The following DYM variants were observed in gnomAD, a reference collection of about 807,000 sequenced individuals.
The protein encoded by DYM is dyggve-Melchior-Clausen syndrome protein.
In DYM, 78 loss-of-function variants were observed where a neutral mutation model predicts 93.1. The observed-to-expected ratio is 0.84, with a 90% CI of 0.70 to 1.01. The LOEUF is 1.01. Among genes scored for constraint, DYM ranks in the 50% least tolerant of loss-of-function variants. DYM has a pLI of 0.00. For synonymous variants in DYM, 321 were observed against 319.7 expected, an observed-to-expected ratio of 1.00 and a Z score of -0.04; for missense variants, 789 against 845.0, an observed-to-expected ratio of 0.93 and a Z score of 0.82.
At chr18:49,324,138 C>CAAAAAAAAAAAA (rs59640889) in intron 8 of DYM, among the ~76,000 whole-genome samples, 14 of 54,442 alleles carry the variant, frequency 2.6e-4, no homozygotes, top group East Asian at 4.1e-4. Flanking sequence ...GGCTCTGTCT[C>CAAAAAAAAAAAA]AAAAAAAAAA....
chr18:49,216,142 C>G (rs953757368), intron 13 of DYM, among the ~76,000 whole-genome samples: 1 of 152,250 alleles, frequency 6.6e-6, no homozygotes, highest in Admixed American at 6.5e-5. Flanking sequence ...CGGAGTCTCA[C>G]TGACTGCTAG....
intron 13 of DYM, among the ~76,000 whole-genome samples, chr18:49,235,818 G>A (rs527755226): frequency 6.7e-6 from 1 of 148,316 alleles, no homozygotes; most frequent in South Asian, 2.1e-4. Context: ...AAAATCTTTC[G>A]ATCATCACAC....
chr18:49,185,723 C>G (rs1600436703), intron 14 of DYM, among the ~76,000 whole-genome samples: 1 of 152,310 alleles, frequency 6.6e-6, no homozygotes, highest in Middle Eastern at 3.4e-3. Flanking sequence ...TGCGTGTACA[C>G]ATGGCCTCGT....
chr18:49,260,449 C>T (rs2094471995), intron 11 of DYM, among the ~76,000 whole-genome samples: 1 of 152,116 alleles, frequency 6.6e-6, no homozygotes, highest in African/African-American at 2.4e-5. Context: ...GAGAAAAGTG[C>T]AGACGTCATA....
chr18:49,363,750 A>C (rs1273115393), intron 5 of DYM, among the ~76,000 whole-genome samples: 3 of 152,090 alleles, frequency 2.0e-5, no homozygotes, highest in Non-Finnish European at 4.4e-5. Flanking sequence ...AAAGAGGCCA[A>C]CCTCCTCTTT....
chr18:49,405,449 A>T (rs1476422621), intron 2 of DYM, among the ~76,000 whole-genome samples: 1 of 152,192 alleles, frequency 6.6e-6, no homozygotes, highest in Non-Finnish European at 1.5e-5. Context: ...GTCCAGTTTC[A>T]TTATTCTGCA....
intron 11 of DYM, among the ~76,000 whole-genome samples, chr18:49,267,829 C>T (rs1356483361): frequency 6.6e-6 from 1 of 152,084 alleles, no homozygotes; most frequent in Non-Finnish European, 1.5e-5. Context: ...ACCCACGAGG[C>T]GGAGGTTGCA....
At position 49,393,087 on chromosome 18, in the gene DYM, GGGAGGGAAGGAAGGAA is replaced by G. The variant is rs1254590532; in HGVS notation, c.141-1458_141-1443del. Among the ~76,000 whole-genome samples the G allele has an allele frequency of 2.4e-3, 205 of 84,940 alleles. 15 individuals carry two copies. The highest frequency in any genetic ancestry group is 0.01 in the Middle Eastern group (2 of 196). The allele number at this position is 84,940 out of a possible 152,430, so 55.7% of individuals were successfully genotyped here. ...AGGAGGAGGAGGAGGAAAGAAGGGAGGGAGGGAAGGAAGGAAGGAAGGAAGGAAGGAAGGAAGGAAG... is the reference window on the plus strand; with the variant it reads ...AGGAGGAGGAGGAGGAAAGAAGGGAGGGAAGGAAGGAAGGAAGGAAGGAAG... On this transcript the variant is annotated intron_variant, in intron 2 of 17. Transcript: ENST00000675505.
chr18:49,393,081 AAGGG>A lies in DYM; in HGVS notation c.141-1440_141-1437del, dbSNP rs1318439831. Among the ~76,000 whole-genome samples the A allele has an allele frequency of 1.6e-4, 13 of 81,388 alleles. 1 individual carries two copies. The highest frequency in any genetic ancestry group is 1.0e-3 in the East Asian group (1 of 978). The allele number at this position is 81,388 out of a possible 152,430, so 53.4% of individuals were successfully genotyped here. A position where few individuals can be genotyped will look rare whatever the true frequency, so the allele number is the denominator to read the frequency against. Reference sequence around the variant, plus strand: ...GAGGGGAGGAGGAGGAGGAGGAAAGAAGGGAGGGAGGGAAGGAAGGAAGGAAGGA... The same window carrying A: ...GAGGGGAGGAGGAGGAGGAGGAAAGAAGGGAGGGAAGGAAGGAAGGAAGGA... On this transcript the variant is annotated intron_variant, in intron 2 of 17. Transcript: ENST00000675505.
rs2067760121 is a variant in DYM, at chr18:49,378,790, C to T, written c.288-90G>A. Reference sequence around the variant, plus strand: ...TCATGATTTCTTCCTGATTTGACAACCGTTTTGTCCATCCTATTGGTAATA... The same window carrying T: ...TCATGATTTCTTCCTGATTTGACAATCGTTTTGTCCATCCTATTGGTAATA... On this transcript the variant is annotated intron_variant, in intron 4 of 17. Transcript: ENST00000675505. 8 of 1,362,044 alleles carry T rather than the reference C, an allele frequency of 5.9e-6. No individual in the cohort carries two copies. The South Asian group carries it at 8.5e-5, about 14-fold the overall frequency. 84.4% of individuals were successfully genotyped at this position (1,362,044 alleles called of 1,614,324 possible).
chr18:49,318,630 A>AAG (rs905503173), intron 8 of DYM, among the ~76,000 whole-genome samples: 29 of 150,904 alleles, frequency 1.9e-4, no homozygotes, highest in Admixed American at 5.9e-4. Context: ...CCCCACAAAA[A>AAG]AGAGAGAGAG....
chr18:49,065,179 T>C (rs905942168), intron 17 of DYM, among the ~76,000 whole-genome samples: 3 of 152,130 alleles, frequency 2.0e-5, no homozygotes, highest in African/African-American at 7.2e-5. Flanking sequence ...GCACTGCACG[T>C]CACTAAAATA....
At chr18:49,171,448 T>C (rs947955703) in intron 14 of DYM, among the ~76,000 whole-genome samples, 12 of 152,176 alleles carry the variant, frequency 7.9e-5, no homozygotes, top group African/African-American at 2.9e-4. Flanking sequence ...TGGGAGCAGA[T>C]GATTTACAGA....
chr18:49,223,286 T>C (rs907604655), intron 13 of DYM, among the ~76,000 whole-genome samples: 8 of 152,126 alleles, frequency 5.3e-5, no homozygotes, highest in African/African-American at 1.9e-4. Context: ...TTCTTAAACT[T>C]AGGTCGGGTA....
intron 15 of DYM, among the ~76,000 whole-genome samples, chr18:49,161,111 A>G (rs2087065173): frequency 6.6e-6 from 1 of 152,168 alleles, no homozygotes; most frequent in South Asian, 2.1e-4. Context: ...AGGATTGTCA[A>G]TGACAGATTC....
intron 16 of DYM, 114 bp from the exon 17 acceptor site, chr18:49,097,629 G>T (rs914821488): frequency 7.2e-6 from 7 of 972,908 alleles, no homozygotes; most frequent in Non-Finnish European, 9.5e-6. Flanking sequence ...CAGTGACCCG[G>T]CTTTTAATTC....
At chr18:49,387,788 A>C (rs1016971064) in intron 3 of DYM, among the ~76,000 whole-genome samples, 4 of 152,332 alleles carry the variant, frequency 2.6e-5, no homozygotes, top group Admixed American at 2.6e-4. Flanking sequence ...CTTTATTGCA[A>C]TACTGGCTTT....
chr18:49,184,861 C>T (rs2090293764), intron 14 of DYM, among the ~76,000 whole-genome samples: 1 of 152,118 alleles, frequency 6.6e-6, no homozygotes, highest in African/African-American at 2.4e-5. Context: ...GGGACCACCG[C>T]ATATATCTCA....
At chr18:49,104,019 C>G (rs1009166898) in intron 16 of DYM, among the ~76,000 whole-genome samples, 27 of 152,190 alleles carry the variant, frequency 1.8e-4, no homozygotes, top group Admixed American at 4.6e-4. Context: ...GCCATTATCA[C>G]GATATTGATT....
Sources: allele counts gnomAD v4.1 joint callset (sites outside exome capture counted in the v4.1 genomes callset), GRCh38; gene constraint gnomAD v4.1.1; transcripts MANE v1.5; gene names NCBI Gene and HGNC (gene_info 2026-07-23, HGNC 2026-07-21).